Variants in PRPF8 observed in about 807,000 individuals in gnomAD.
PRPF8 encodes pre-mRNA processing factor 8.
In PRPF8, 64 loss-of-function variants were observed where a neutral mutation model predicts 285.9. That is an observed-to-expected ratio of 0.22 (90% confidence interval 0.18 to 0.28). The LOEUF (loss-of-function observed/expected upper bound fraction) is 0.28, where lower values mean the gene tolerates loss of function less well. Ranked by LOEUF, PRPF8 falls within the 10% of genes least tolerant of loss-of-function variation. The pLI, the probability that PRPF8 is intolerant of heterozygous loss-of-function variation, is 1.00. For missense variants in PRPF8, 1,426 were observed against 3,026.7 expected (o/e 0.47, Z 12.41); for synonymous variants, 1,325 against 1,118.2 (o/e 1.18, Z -3.69).
At chr17:1,656,977 T>G (rs1322861429) in intron 34 of PRPF8, among the ~76,000 whole-genome samples, 1 of 152,068 alleles carries the variant, frequency 6.6e-6, no homozygotes. Context: ...AGCTGACACA[T>G]GAGTATGTGC....
rs1371243655 is a variant in PRPF8, at chr17:1,662,395, C to T, written c.3775-242G>A. On this transcript the variant is annotated intron_variant, in intron 24 of 42. Coordinates refer to ENST00000304992, the MANE Select transcript of PRPF8 (RefSeq NM_006445.4). Reference sequence around the variant, plus strand: ...CTTGAGCCCGGGAGTTGGAGACCAGCCTGGCCAACATGGCAAAACCCTGTT... The same window carrying T: ...CTTGAGCCCGGGAGTTGGAGACCAGTCTGGCCAACATGGCAAAACCCTGTT... Among the ~76,000 whole-genome samples the T allele has an allele frequency of 2.0e-5, 3 of 152,182 alleles. No homozygotes were observed. In the East Asian group the frequency reaches 5.8e-4, roughly 29 times the overall value.
chr17:1,681,438 C>G (rs1284951435), intron 6 of PRPF8, 40 bp downstream of exon 6: 1 of 1,526,470 alleles, frequency 6.6e-7, no homozygotes, highest in Admixed American at 1.7e-5. Flanking sequence ...ACGTTTCATT[C>G]AACTCAAAAT....
In PRPF8 at chr17:1,651,580, G is replaced by C; in HGVS notation, c.6511-27C>G. On this transcript the variant is annotated intron_variant, in intron 40 of 42. Transcript: ENST00000304992. The surrounding 1 kb of genome is among the most constrained non-coding windows in gnomAD (Gnocchi z 5.1). ...TATAGGTAAAGAGGAGTACAGAGCT[G>C]AATCCCATCCACAGACAGGAATCGC... 1.2e-6 allele frequency: 2 copies of C among 1,614,074 alleles called. No individual in the cohort carries two copies. The highest frequency in any genetic ancestry group is 1.7e-6 in the Non-Finnish European group (2 of 1,180,018).
At position 1,679,816 on chromosome 17, in the gene PRPF8, T is replaced by C. The variant is rs1402912567; in HGVS notation, c.1099-17A>G. The stretch of plus-strand genomic sequence containing the variant: ...TTCCTGGCTCTGAAAAAGGAATCCC[T>C]CTAAGGGTTTAGCTCCTGCTGAACT... On this transcript the variant is annotated splice_polypyrimidine_tract_variant and intron_variant, in intron 8 of 42. Transcript: ENST00000304992. This position sits in a 1 kb window ranked among gnomAD's most constrained non-coding sequence, Gnocchi z 4.7. 6.2e-7 allele frequency: 1 copy of C among 1,613,978 alleles called. No homozygotes were observed. The highest frequency in any genetic ancestry group is 8.5e-7 in the Non-Finnish European group (1 of 1,179,966).
intron 3 of PRPF8, 78 bp downstream of exon 3, chr17:1,683,455 C>T (rs1913049932): frequency 1.3e-6 from 2 of 1,493,382 alleles, no homozygotes. Context: ...GCTGTCAAAG[C>T]ATCAATCCAA....
intron 24 of PRPF8, among the ~76,000 whole-genome samples, chr17:1,671,105 C>T (rs570278457): frequency 1.3e-5 from 2 of 152,286 alleles, no homozygotes; most frequent in Non-Finnish European, 2.9e-5. Context: ...AAACCTTGAA[C>T]TTTCCATGGT....
At position 1,673,648 on chromosome 17, in the gene PRPF8, AGCCAC is replaced by A. The variant is rs1465039542; in HGVS notation, c.3447-86_3447-82del. Reference sequence around the variant, plus strand: ...AGGCCAACTGATGACATCCTGACACAGCCACGCCTCTCCCACCCAGGACGCAGCCT... The same window carrying A: ...AGGCCAACTGATGACATCCTGACACAGCCTCTCCCACCCAGGACGCAGCCT... On this transcript the variant is annotated intron_variant, in intron 22 of 42. Transcript: ENST00000304992. The surrounding 1 kb of genome is among the most constrained non-coding windows in gnomAD (Gnocchi z 5.5). The A allele has an allele frequency of 6.2e-7, 1 of 1,611,354 alleles. No homozygotes were observed. The highest frequency in any genetic ancestry group is 8.5e-7 in the Non-Finnish European group (1 of 1,178,902).
rs929492529 is a variant in PRPF8, at chr17:1,651,499, A to G, written c.6565T>C (p.Ser2189Pro). ...HTQPNESPQL[S>P]PQDVTTHAKI... is the part of the protein sequence containing the mutation. Reference sequence around the variant, plus strand: ...GCATGGGTGGTGACATCCTGGGGTGATAACTGCGGGGACTCATTGGGCTGA... The same window carrying G: ...GCATGGGTGGTGACATCCTGGGGTGGTAACTGCGGGGACTCATTGGGCTGA... The change falls in exon 41 of 43, where the codon TCA becomes CCA. Residue 2189 changes from serine (S) to proline (P), a missense_variant. By Grantham distance (74) the Ser-to-Pro change is moderately conservative. Around this residue, in one of 34 missense-constraint regions of PRPF8, gnomAD observed 160 missense variants for 373.7 expected, o/e 0.43. Transcript: ENST00000304992. The surrounding 1 kb of genome is among the most constrained non-coding windows in gnomAD (Gnocchi z 5.1). The G allele has an allele frequency of 1.2e-6, 2 of 1,614,156 alleles. No individual in the cohort carries two copies. Among genetic ancestry groups the G allele is most frequent in the Non-Finnish European group, 1.7e-6 (2 of 1,180,022 alleles).
chr17:1,675,145 G>A lies in PRPF8; in HGVS notation c.3060+7C>T, dbSNP rs747526667. 1 of 1,613,160 alleles carries A rather than the reference G, an allele frequency of 6.2e-7. No individual in the cohort carries two copies. Among genetic ancestry groups the A allele is most frequent in the Non-Finnish European group, 8.5e-7 (1 of 1,180,034 alleles). On this transcript the variant is annotated splice_region_variant and intron_variant, in intron 20 of 42. Transcript: ENST00000304992. This position sits in a 1 kb window ranked among gnomAD's most constrained non-coding sequence, Gnocchi z 6.0. ...CACAATTCCATGCTACTGCGCCTGA[G>A]ACGCACCTTATAGTTGATGACGACG...
intron 12 of PRPF8, 32 bp downstream of exon 12, chr17:1,678,729 AC>A: frequency 6.2e-7 from 1 of 1,614,000 alleles, no homozygotes; most frequent in Non-Finnish European, 8.5e-7. Flanking sequence ...CAGCGTCCTC[AC>A]CCAGGCAGGG....
At chr17:1,660,330 T>C (rs999641533) in intron 30 of PRPF8, 102 bp downstream of exon 30, 2 of 1,569,156 alleles carry the variant, frequency 1.3e-6, no homozygotes, top group African/African-American at 2.7e-5. Context: ...CAGTACCCTC[T>C]CCCCTCGATT....
chr17:1,678,992 G>C (rs1474318178), intron 11 of PRPF8, 25 bp downstream of exon 11: 12 of 1,613,864 alleles, frequency 7.4e-6, no homozygotes, highest in Non-Finnish European at 1.0e-5. Flanking sequence ...AAGCCCAGGA[G>C]GCCCCTAGGG....
chr17:1,658,885 T>C lies in PRPF8; in HGVS notation c.5139-122A>G, dbSNP rs1335650035. The C allele has an allele frequency of 1.6e-5, 14 of 852,572 alleles. No homozygotes were observed. The Admixed American group carries it at 2.5e-4, about 15-fold the overall frequency. The allele number at this position is 852,572 out of a possible 1,614,324, so 52.8% of individuals were successfully genotyped here. On this transcript the variant is annotated intron_variant, in intron 32 of 42. Coordinates refer to ENST00000304992, the MANE Select transcript of PRPF8 (RefSeq NM_006445.4). The surrounding 1 kb of genome is among the most constrained non-coding windows in gnomAD (Gnocchi z 4.1). ...CCAGGCTGACAACACTCTGCTCATG[T>C]GTACATACAGGCTGGAGAAGAGAAT...
rs758996670 is a variant in PRPF8 at position 1,679,625 on chromosome 17, G to A, written c.1273C>T (p.Pro425Ser). The change falls in exon 9 of 43, where the codon CCC becomes TCC. Residue 425 changes from proline to serine, a missense_variant. Physicochemically the swap from Pro to Ser is moderately conservative, Grantham distance 74. This residue lies in a region of PRPF8 where 137 missense variants were observed against 161.2 expected (regional missense o/e 0.85). Coordinates refer to ENST00000304992, the MANE Select transcript of PRPF8 (RefSeq NM_006445.4). The surrounding 1 kb of genome is among the most constrained non-coding windows in gnomAD (Gnocchi z 4.7). Reference sequence around the variant, plus strand: ...AAACCTTACCAGTTCTTGACAAGGGGTATGTCCAGGGCCCGACGGGTGCGA... The same window carrying A: ...AAACCTTACCAGTTCTTGACAAGGGATATGTCCAGGGCCCGACGGGTGCGA... ...SGRTRRALDIPLVKNWYREHC... is the reference protein window; with the variant it reads ...SGRTRRALDISLVKNWYREHC... The A allele has an allele frequency of 1.2e-6, 2 of 1,613,666 alleles. No homozygotes were observed. Among genetic ancestry groups the A allele is most frequent in the Non-Finnish European group, 1.7e-6 (2 of 1,179,988 alleles).
chr17:1,658,106 C>A lies in PRPF8; in HGVS notation c.5505+147G>T, dbSNP rs1055552686. 1.9e-5 allele frequency: 24 copies of A among 1,260,676 alleles called. No homozygotes were observed. In the African/African-American group the frequency reaches 3.4e-4, roughly 18 times the overall value. 78.1% of individuals were successfully genotyped at this position (1,260,676 alleles called of 1,614,324 possible). ...ACCTCATACACTCTTGGACCTCCCA[C>A]AGAATACTTCCCAAGGTATTTTGGG... is the stretch of plus-strand genomic sequence containing the variant. On this transcript the variant is annotated intron_variant, in intron 34 of 42. Coordinates refer to ENST00000304992, the MANE Select transcript of PRPF8 (RefSeq NM_006445.4). This position sits in a 1 kb window ranked among gnomAD's most constrained non-coding sequence, Gnocchi z 4.1.
At chr17:1,680,250 G>A (rs1439028679) in intron 8 of PRPF8, among the ~76,000 whole-genome samples, 1 of 152,224 alleles carries the variant, frequency 6.6e-6, no homozygotes, top group Non-Finnish European at 1.5e-5. Flanking sequence ...TAGACAGAAA[G>A]TAGATTAGTG....
intron 14 of PRPF8, 85 bp downstream of exon 14, chr17:1,677,480 T>C (rs62089973): frequency 0.033 from 52,425 of 1,594,526 alleles, 1,004 homozygotes; most frequent in Middle Eastern, 0.043. Context: ...AGAGTGCTCA[T>C]ACAAGAGCAG....
rs1911585012 is a variant in PRPF8, at chr17:1,659,782, A to G, written c.4946+59T>C. On this transcript the variant is annotated intron_variant, in intron 31 of 42. Transcript: ENST00000304992. This position sits in a 1 kb window ranked among gnomAD's most constrained non-coding sequence, Gnocchi z 5.1. ...GGACAATTCCTAAAGTTGCAGGGCT[A>G]GAAGAACAGGAAAACGAAAGTGTCC... 1 of 1,586,026 alleles carries G rather than the reference A, an allele frequency of 6.3e-7. No individual in the cohort carries two copies. The highest frequency in any genetic ancestry group is 8.6e-7 in the Non-Finnish European group (1 of 1,156,912).
At chr17:1,678,465 A>G in intron 13 of PRPF8, 53 bp downstream of exon 13, 1 of 1,612,582 alleles carries the variant, frequency 6.2e-7, no homozygotes, top group Non-Finnish European at 8.5e-7. Flanking sequence ...CCCAAGAGAC[A>G]AGAGTAAGAC....
Sources: gnomAD v4.1 joint callset for allele counts (sites outside exome capture counted in the v4.1 genomes callset) on GRCh38, gnomAD v4.1.1 for gene constraint, gnomAD v4.1.1 regional missense constraint, Gnocchi (gnomAD v3.1) non-coding constraint, MANE v1.5 for transcripts, NCBI Gene and HGNC (gene_info 2026-07-23, HGNC 2026-07-21) for gene names.